Variants in SYT7 observed in about 807,000 individuals in gnomAD.
SYT7 encodes the protein synaptotagmin-7.
SYT7 carries 29 observed loss-of-function variants against 75.1 expected under a neutral mutation model. The ratio of observed to expected loss-of-function variants is 0.39; its 90% confidence interval spans 0.29 to 0.53. The LOEUF is 0.53. Ranked by LOEUF, SYT7 falls within the 20% of genes least tolerant of loss-of-function variation. SYT7 has a pLI of 0.77. For synonymous variants in SYT7, 376 were observed against 401.7 expected, an observed-to-expected ratio of 0.94 and a Z score of 0.76; for missense variants, 693 against 953.2, an observed-to-expected ratio of 0.73 and a Z score of 3.59.
chr11:61,547,564 G>A (rs2063228653), intron 3 of SYT7, among the ~76,000 whole-genome samples: 1 of 152,034 alleles, frequency 6.6e-6, no homozygotes, highest in Admixed American at 6.5e-5. Context: ...GGGCCGGGAA[G>A]CCACACAGAA....
chr11:61,558,791 G>A (rs1252809287), intron 1 of SYT7, among the ~76,000 whole-genome samples: 1 of 152,080 alleles, frequency 6.6e-6, no homozygotes, highest in Non-Finnish European at 1.5e-5. Context: ...CACCCAGGCT[G>A]GAGTGCAGTG....
Position 61,556,506 on chromosome 11 carries a change from A to C in SYT7, c.32-299T>G, listed in dbSNP as rs544168390. ...ATCTGTGCCGGCCTCCAAACTTGAG[A>C]CCCTCAAAGGGAGAGGCCAAATGTG... On this transcript the variant is annotated intron_variant, in intron 1 of 12. Coordinates refer to ENST00000539008, the MANE Select transcript of SYT7 (RefSeq NM_001365809.2). Among the ~76,000 whole-genome samples, 59 of 152,210 alleles carry C rather than the reference A, an allele frequency of 3.9e-4. 1 individual carries two copies. In the South Asian group the frequency reaches 8.9e-3, roughly 23 times the overall value.
At chr11:61,558,533 CACATAT>C (rs2063560869) in intron 1 of SYT7, among the ~76,000 whole-genome samples, 1 of 148,602 alleles carries the variant, frequency 6.7e-6, no homozygotes, top group African/African-American at 2.6e-5. Flanking sequence ...CACACACACA[CACATAT>C]ATATATAAAT....
chr11:61,581,839 GA>G (rs2135484946), upstream of SYT7, among the ~76,000 whole-genome samples: 1 of 152,278 alleles, frequency 6.6e-6, no homozygotes, highest in East Asian at 1.9e-4. Flanking sequence ...CGGAGGGTAG[GA>G]AGGAAATCCC....
chr11:61,524,154 A>G lies in SYT7; in HGVS notation c.1641+209T>C, dbSNP rs1590825572. On this transcript the variant is annotated intron_variant, in intron 10 of 12. Coordinates refer to ENST00000539008, the MANE Select transcript of SYT7 (RefSeq NM_001365809.2). This position sits in a 1 kb window ranked among gnomAD's most constrained non-coding sequence, Gnocchi z 4.1. ...CTCCCTGTTCCCTGAACATAGCCCT[A>G]GGTTCCTTCTTACAGATCGGGTGAG... 6.6e-6 allele frequency among the ~76,000 whole-genome samples: 1 copy of G among 152,080 alleles called. No individual in the cohort carries two copies. The highest frequency in any genetic ancestry group is 1.9e-4 in the East Asian group (1 of 5,176).
chr11:61,583,505 T>G (rs1025684275), upstream of SYT7, among the ~76,000 whole-genome samples: 1 of 152,160 alleles, frequency 6.6e-6, no homozygotes, highest in Non-Finnish European at 1.5e-5. Context: ...GAGAAGGAAC[T>G]GACCCAGGGA....
intron 3 of SYT7, among the ~76,000 whole-genome samples, chr11:61,549,088 G>A (rs2063274201): frequency 6.6e-6 from 1 of 152,120 alleles, no homozygotes; most frequent in Non-Finnish European, 1.5e-5. Flanking sequence ...CCTGCGTCAG[G>A]TATAACAAAG....
In SYT7 at chr11:61,518,534, T is replaced by G; in HGVS notation, c.*93A>C. 5.6e-6 allele frequency: 5 copies of G among 895,778 alleles called. No homozygotes were observed. The highest frequency in any genetic ancestry group is 3.6e-4 in the Middle Eastern group (1 of 2,796). The allele number at this position is 895,778 out of a possible 1,614,324, so 55.5% of individuals were successfully genotyped here. The stretch of plus-strand genomic sequence containing the variant: ...AGCCCTCAGGGTCCTCCCCTCCCTA[T>G]GGCAGGGGGCTCAGGCCGGGCGTTG... On this transcript the variant is annotated 3_prime_UTR_variant, in exon 13 of 13. Coordinates refer to ENST00000539008, the MANE Select transcript of SYT7 (RefSeq NM_001365809.2).
intron 1 of SYT7, among the ~76,000 whole-genome samples, chr11:61,574,374 G>A (rs552429569): frequency 6.9e-4 from 105 of 152,252 alleles, no homozygotes; most frequent in South Asian, 1.0e-3. Flanking sequence ...ATCAATAGCT[G>A]TTTGACACTA....
intron 6 of SYT7, among the ~76,000 whole-genome samples, chr11:61,539,052 G>A (rs776097284): frequency 2.6e-5 from 4 of 152,228 alleles, no homozygotes; most frequent in Admixed American, 6.5e-5. Context: ...GAGCACCACC[G>A]CTGAGTCCAG....
rs972575985 is a variant in SYT7, at chr11:61,540,916, C to A, written c.941+1295G>T. On this transcript the variant is annotated intron_variant, in intron 6 of 12. Coordinates refer to ENST00000539008, the MANE Select transcript of SYT7 (RefSeq NM_001365809.2). The stretch of plus-strand genomic sequence containing the variant: ...TTCTGGGCATCTCATCTTGTGCAGG[C>A]GTCCAGTTAGATTCCTGCAGGTCCT... The A allele has an allele frequency of 8.1e-6, 8 of 985,366 alleles. No individual in the cohort carries two copies. In the African/African-American group the frequency reaches 1.4e-4, roughly 17 times the overall value. 61.0% of individuals were successfully genotyped at this position (985,366 alleles called of 1,614,324 possible).
chr11:61,535,465 C>T (rs1028592194), intron 7 of SYT7, among the ~76,000 whole-genome samples: 5 of 152,198 alleles, frequency 3.3e-5, no homozygotes, highest in African/African-American at 9.7e-5. Flanking sequence ...TGGCAGACAG[C>T]ATGAGGGGGT....
Position 61,546,327 on chromosome 11 carries a change from T to C in SYT7, c.348-72A>G. ...GCGGTGGGGGAGAGAGGGCAGGCCA[T>C]ACGTGGGGGTCGGGGGGTGGAAGAG... On this transcript the variant is annotated intron_variant, in intron 4 of 12. Coordinates refer to ENST00000539008, the MANE Select transcript of SYT7 (RefSeq NM_001365809.2). The surrounding 1 kb of genome is among the most constrained non-coding windows in gnomAD (Gnocchi z 7.6). The C allele has an allele frequency of 1.9e-6, 2 of 1,054,678 alleles. No individual in the cohort carries two copies. Among genetic ancestry groups the C allele is most frequent in the Non-Finnish European group, 2.6e-6 (2 of 769,014 alleles). The allele number at this position is 1,054,678 out of a possible 1,614,324, so 65.3% of individuals were successfully genotyped here. A position where few individuals can be genotyped will look rare whatever the true frequency, so the allele number is the denominator to read the frequency against.
At chr11:61,535,131 G>A (rs931764131) in intron 7 of SYT7, among the ~76,000 whole-genome samples, 3 of 152,222 alleles carry the variant, frequency 2.0e-5, no homozygotes, top group African/African-American at 7.2e-5. Context: ...GGCAGAGGGA[G>A]AGGCCGAGGG....
In SYT7 at chr11:61,514,487, C is replaced by T. The variant is rs2062109044; in HGVS notation, c.*4140G>A. Among the ~76,000 whole-genome samples the T allele has an allele frequency of 6.6e-6, 1 of 152,200 alleles. No individual in the cohort carries two copies. On this transcript the variant is annotated 3_prime_UTR_variant, in exon 13 of 13. Transcript: ENST00000539008. ...GTGGGGGCAGGGGCCAGCAGGTGGA[C>T]ACATGACAATGGGGATGTGCTCGTT... is the stretch of plus-strand genomic sequence containing the variant.
intron 9 of SYT7, chr11:61,526,113 T>G (rs2062506426): frequency 6.6e-6 from 1 of 152,188 alleles, no homozygotes; most frequent in Non-Finnish European, 1.5e-5. Context: ...TCTAGAAGAT[T>G]CCAGCACCTT....
At chr11:61,520,133 G>GGGCAAACTGGT (rs1565159957) in intron 12 of SYT7, among the ~76,000 whole-genome samples, 21 of 147,842 alleles carry the variant, frequency 1.4e-4, no homozygotes, top group Admixed American at 4.6e-4. Context: ...CTCGTGATCT[G>GGGCAAACTGGT]CCCGCCTTGG....
chr11:61,553,297 C>T lies in SYT7; in HGVS notation c.136-1834G>A, dbSNP rs976180486. Among the ~76,000 whole-genome samples, 1 of 152,230 alleles carries T rather than the reference C, an allele frequency of 6.6e-6. No homozygotes were observed. The highest frequency in any genetic ancestry group is 2.4e-5 in the African/African-American group (1 of 41,468). ...GGACCCTCAGGCAGGAGCCCCGCCC[C>T]ACTATTCTCCAGCACACAGGCAGTG... On this transcript the variant is annotated intron_variant, in intron 2 of 12. Coordinates refer to ENST00000539008, the MANE Select transcript of SYT7 (RefSeq NM_001365809.2). The surrounding 1 kb of genome is among the most constrained non-coding windows in gnomAD (Gnocchi z 5.2).
intron 1 of SYT7, among the ~76,000 whole-genome samples, chr11:61,571,277 G>A (rs2063913178): frequency 6.6e-6 from 1 of 152,220 alleles, no homozygotes; most frequent in Admixed American, 6.5e-5. Context: ...GCATCTGCAT[G>A]AAGTGAGGTG....
Sources: allele counts gnomAD v4.1 joint callset (sites outside exome capture counted in the v4.1 genomes callset), GRCh38; gene constraint gnomAD v4.1.1; non-coding constraint Gnocchi (gnomAD v3.1); transcripts MANE v1.5; gene names NCBI Gene and HGNC (gene_info 2026-07-23, HGNC 2026-07-21).